Variants in PI4K2B observed in about 807,000 individuals in gnomAD.
PI4K2B encodes phosphatidylinositol 4-kinase type 2 beta.
Under a neutral mutation model 56.6 loss-of-function variants are expected in PI4K2B, and 46 were observed. That is an observed-to-expected ratio of 0.81 (90% CI 0.64 to 1.04). The LOEUF (loss-of-function observed/expected upper bound fraction) is 1.04, where lower values mean the gene tolerates loss of function less well. Among genes scored for constraint, PI4K2B ranks in the 50% least tolerant of loss-of-function variants. PI4K2B has a pLI of 0.00. For missense variants in PI4K2B, 556 were observed against 607.7 expected (o/e 0.91, Z 0.89); for synonymous variants, 211 against 223.8 (o/e 0.94, Z 0.51).
intron 7 of PI4K2B, among the ~76,000 whole-genome samples, chr4:25,264,638 A>T (rs905489487): frequency 2.0e-5 from 3 of 151,986 alleles, no homozygotes; most frequent in Admixed American, 2.0e-4. Flanking sequence ...TTGGGGGCTG[A>T]GGCTAGCAGA....
chr4:25,242,607 C>T (rs1467579387), intron 1 of PI4K2B, among the ~76,000 whole-genome samples: 1 of 152,254 alleles, frequency 6.6e-6, no homozygotes, highest in Non-Finnish European at 1.5e-5. Context: ...CTAGTCTCCA[C>T]TGACCATTCA....
At chr4:25,274,067 A>G (rs1057049181) in intron 9 of PI4K2B, among the ~76,000 whole-genome samples, 2 of 151,854 alleles carry the variant, frequency 1.3e-5, no homozygotes, top group Non-Finnish European at 2.9e-5. Context: ...TTTTTGCAGC[A>G]CTCCCTGGGA....
At chr4:25,245,606 A>C (rs1715730149) in intron 1 of PI4K2B, among the ~76,000 whole-genome samples, 1 of 152,198 alleles carries the variant, frequency 6.6e-6, no homozygotes, top group Non-Finnish European at 1.5e-5. Context: ...AGAAAGCCTG[A>C]GACCCGTGTC....
intron 1 of PI4K2B, among the ~76,000 whole-genome samples, chr4:25,241,631 A>G (rs1715529983): frequency 6.6e-6 from 1 of 152,202 alleles, no homozygotes; most frequent in Admixed American, 6.5e-5. Flanking sequence ...TGAGTAGTCC[A>G]GACAGTGAGA....
intron 1 of PI4K2B, among the ~76,000 whole-genome samples, chr4:25,242,758 G>A (rs975638983): frequency 2.0e-5 from 3 of 152,232 alleles, no homozygotes; most frequent in African/African-American, 4.8e-5. Context: ...GTAAGGAAAA[G>A]TGGTGGGATC....
rs1005494220 is a variant in PI4K2B, at chr4:25,244,188, A to C, written c.269-8133A>C. Among the ~76,000 whole-genome samples, 3 of 152,182 alleles carry C rather than the reference A, an allele frequency of 2.0e-5. No individual in the cohort carries two copies. The South Asian group carries it at 6.2e-4, about 32-fold the overall frequency. On this transcript the variant is annotated intron_variant, in intron 1 of 9. Transcript: ENST00000264864. ...AGGGGACATGTACCCAGGTTGGGCC[A>C]AATTCCCCTCCCCCTACAGCTTGAA...
In PI4K2B at chr4:25,277,197, G is replaced by A; in HGVS notation, c.*10G>A. 1 of 1,607,732 alleles carries A rather than the reference G, an allele frequency of 6.2e-7. No homozygotes were observed. The highest frequency in any genetic ancestry group is 1.1e-5 in the South Asian group (1 of 90,682). ...TTTTTCCTCCTGGTAGTAAATGTCA[G>A]AGTAAGAGAAACAAACTGTTTAGAA... On this transcript the variant is annotated 3_prime_UTR_variant, in exon 10 of 10. Transcript: ENST00000264864.
intron 1 of PI4K2B, among the ~76,000 whole-genome samples, chr4:25,246,034 C>T (rs749717799): frequency 2.6e-5 from 4 of 152,024 alleles, no homozygotes; most frequent in African/African-American, 4.8e-5. Context: ...TTCTGATGTT[C>T]GGATGTGTTC....
chr4:25,253,743 CA>C (rs994358182), intron 2 of PI4K2B, among the ~76,000 whole-genome samples: 2 of 151,926 alleles, frequency 1.3e-5, no homozygotes, highest in African/African-American at 2.4e-5. Flanking sequence ...CATTCATGAG[CA>C]AAAAAAGATT....
intron 1 of PI4K2B, among the ~76,000 whole-genome samples, chr4:25,239,446 A>C (rs28824169): frequency 0.077 from 4,790 of 62,464 alleles, 121 homozygotes; most frequent in Non-Finnish European, 0.088. Flanking sequence ...AGGGGGACCC[A>C]GCAGCACCCT....
chr4:25,259,007 C>T, intron 4 of PI4K2B, 30 bp from the exon 5 acceptor site: 1 of 1,216,350 alleles, frequency 8.2e-7, no homozygotes, highest in Non-Finnish European at 1.2e-6. Flanking sequence ...CTTGTACTTT[C>T]TTTTCTAACT....
At chr4:25,247,966 A>G (rs1407237106) in intron 1 of PI4K2B, among the ~76,000 whole-genome samples, 1 of 152,172 alleles carries the variant, frequency 6.6e-6, no homozygotes, top group Non-Finnish European at 1.5e-5. Flanking sequence ...GTCTCCCAAC[A>G]TGCTGGGATT....
In PI4K2B at chr4:25,234,298, C is replaced by T. The variant is rs2109077522; in HGVS notation, c.135C>T (p.Ser45=). The change falls in exon 1 of 10, where the codon AGC becomes AGT. Residue 45 remains serine (S), a synonymous_variant. Transcript: ENST00000264864. ...WAHPRRGAPG[S]AVRLLDAAGE... is the part of the protein sequence containing the mutation. ...ACCCGCGGAGAGGCGCCCCAGGCAG[C>T]GCCGTGAGGCTGCTGGACGCTGCCG... The T allele has an allele frequency of 1.4e-6, 2 of 1,416,636 alleles. No individual in the cohort carries two copies. Among genetic ancestry groups the T allele is most frequent in the Non-Finnish European group, 1.8e-6 (2 of 1,081,886 alleles). The allele number at this position is 1,416,636 out of a possible 1,614,324, so 87.8% of individuals were successfully genotyped here. A position where few individuals can be genotyped will look rare whatever the true frequency, so the allele number is the denominator to read the frequency against.
chr4:25,237,621 T>C (rs1003374180), intron 1 of PI4K2B, among the ~76,000 whole-genome samples: 12 of 152,178 alleles, frequency 7.9e-5, no homozygotes, highest in African/African-American at 2.7e-4. Context: ...CCGCCTCGGC[T>C]TCCCAGAGCA....
At chr4:25,272,325 A>G (rs895660895) in intron 9 of PI4K2B, among the ~76,000 whole-genome samples, 2 of 152,224 alleles carry the variant, frequency 1.3e-5, no homozygotes, top group South Asian at 2.1e-4. Flanking sequence ...AGGGTCAACA[A>G]CTTAGGAGAG....
At chr4:25,268,235 A>G (rs893979624) in intron 7 of PI4K2B, among the ~76,000 whole-genome samples, 7 of 152,228 alleles carry the variant, frequency 4.6e-5, no homozygotes, top group African/African-American at 1.7e-4. Flanking sequence ...TTTACTGTCT[A>G]AAACTCAGAG....
chr4:25,244,342 TG>T (rs1468229161), intron 1 of PI4K2B, among the ~76,000 whole-genome samples: 1 of 152,140 alleles, frequency 6.6e-6, no homozygotes, highest in African/African-American at 2.4e-5. Context: ...GGCTAGGATA[TG>T]GGGGTAAGCT....
chr4:25,234,034 A>C lies in PI4K2B; in HGVS notation c.-130A>C. 1.2e-6 allele frequency: 1 copy of C among 800,766 alleles called. No homozygotes were observed. The highest frequency in any genetic ancestry group is 1.7e-6 in the Non-Finnish European group (1 of 595,402). 49.6% of individuals were successfully genotyped at this position (800,766 alleles called of 1,614,324 possible). A position where few individuals can be genotyped will look rare whatever the true frequency, so the allele number is the denominator to read the frequency against. On this transcript the variant is annotated 5_prime_UTR_variant, in exon 1 of 10. Coordinates refer to ENST00000264864, the MANE Select transcript of PI4K2B (RefSeq NM_018323.4). Reference sequence around the variant, plus strand: ...CGGGACAACCGCTGGGCGGGCGCCAAGCGTGCCCGTGCGCTGGTGAGGTGG... The same window carrying C: ...CGGGACAACCGCTGGGCGGGCGCCACGCGTGCCCGTGCGCTGGTGAGGTGG...
chr4:25,261,842 A>G (rs1004342422), intron 6 of PI4K2B, among the ~76,000 whole-genome samples: 1 of 152,262 alleles, frequency 6.6e-6, no homozygotes. Context: ...GAAGTTTCAC[A>G]TATGTCAAGG....
Sources: allele counts gnomAD v4.1 joint callset (sites outside exome capture counted in the v4.1 genomes callset), GRCh38; gene constraint gnomAD v4.1.1; transcripts MANE v1.5; gene names NCBI Gene and HGNC (gene_info 2026-07-23, HGNC 2026-07-21).